Variants in LYN observed in about 807,000 individuals in gnomAD.
LYN encodes the protein tyrosine-protein kinase Lyn.
Under a neutral mutation model 65.0 loss-of-function variants are expected in LYN, and 12 were observed. The observed-to-expected ratio is 0.18, with a 90% CI of 0.12 to 0.30. LYN has a LOEUF of 0.30. LYN is among the 10% of genes least tolerant of loss of function. The probability of loss-of-function intolerance (pLI) is 1.00; values close to 1 mark genes in which losing one functional copy is unlikely to be tolerated. For synonymous variants in LYN, 222 were observed against 221.2 expected (o/e 1.00, Z -0.03); for missense variants, 380 against 623.2 (o/e 0.61, Z 4.16).
intron 1 of LYN, among the ~76,000 whole-genome samples, chr8:55,903,643 T>A (rs937065273): frequency 1.3e-5 from 2 of 152,336 alleles, no homozygotes; most frequent in African/African-American, 2.4e-5. Context: ...TCTGAATAAT[T>A]AAGTTTTATT....
At chr8:55,938,654 T>A (rs1300396458) in intron 1 of LYN, among the ~76,000 whole-genome samples, 1 of 152,264 alleles carries the variant, frequency 6.6e-6, no homozygotes, top group African/African-American at 2.4e-5. Flanking sequence ...AACTTCATTA[T>A]TGACTCTTTT....
chr8:56,008,641 C>T (rs533646483), intron 12 of LYN, among the ~76,000 whole-genome samples: 1 of 152,294 alleles, frequency 6.6e-6, no homozygotes, highest in South Asian at 2.1e-4. Flanking sequence ...CAAAGATTGA[C>T]AGTTCAGCTT....
In LYN at chr8:55,998,438, C is replaced by T. The variant is rs2130583587; in HGVS notation, c.1143C>T (p.Cys381=). 6.2e-7 allele frequency: 1 copy of T among 1,614,048 alleles called. No homozygotes were observed. The highest frequency in any genetic ancestry group is 8.5e-7 in the Non-Finnish European group (1 of 1,179,936). The change falls in exon 11 of 13, where the codon TGC becomes TGT. Residue 381 remains cysteine (C), a synonymous_variant. Coordinates refer to ENST00000519728, the MANE Select transcript of LYN (RefSeq NM_002350.4). ...ANVLVSESLM[C]KIADFGLARV... ...TTCTGGTCTCCGAGTCACTCATGTG[C>T]AAAATTGCAGATTTTGGCCTTGCTA...
chr8:55,927,837 A>AG (rs1351454819), intron 1 of LYN, among the ~76,000 whole-genome samples: 5 of 148,704 alleles, frequency 3.4e-5, no homozygotes, highest in Admixed American at 2.0e-4. Context: ...CTCTGTCCCA[A>AG]GGGGGAAAAA....
intron 8 of LYN, among the ~76,000 whole-genome samples, chr8:55,966,173 C>T (rs1342562559): frequency 2.6e-5 from 4 of 151,900 alleles, no homozygotes; most frequent in South Asian, 2.1e-4. Flanking sequence ...CCAATAAAAA[C>T]GTTTTTTTGC....
intron 10 of LYN, among the ~76,000 whole-genome samples, chr8:55,979,192 G>C (rs1211180389): frequency 2.0e-5 from 3 of 151,542 alleles, no homozygotes; most frequent in African/African-American, 7.3e-5. Context: ...ACAAACGTGT[G>C]CCACCACGCC....
At chr8:55,925,281 C>G (rs1316951993) in intron 1 of LYN, among the ~76,000 whole-genome samples, 17 of 152,000 alleles carry the variant, frequency 1.1e-4, no homozygotes, top group Non-Finnish European at 5.9e-5. Flanking sequence ...CACCACCATG[C>G]CTGGCTAATT....
intron 3 of LYN, 40 bp from the exon 4 acceptor site, chr8:55,947,578 T>C (rs1473305186): frequency 1.4e-6 from 2 of 1,445,050 alleles, no homozygotes; most frequent in Non-Finnish European, 1.9e-6. Context: ...ACGCTTCTGC[T>C]GATGGATTCT....
intron 10 of LYN, among the ~76,000 whole-genome samples, chr8:55,982,820 C>T (rs932371631): frequency 2.0e-5 from 3 of 152,152 alleles, no homozygotes; most frequent in Non-Finnish European, 4.4e-5. Flanking sequence ...TTCATTTGAT[C>T]GTTTCCACTT....
Position 55,967,343 on chromosome 8 carries a change from C to A in LYN, c.973+446C>A, listed in dbSNP as rs192368560. 3.0e-3 allele frequency among the ~76,000 whole-genome samples: 363 copies of A among 119,264 alleles called. 1 individual carries two copies. Among genetic ancestry groups the A allele is most frequent in the African/African-American group, 0.011 (343 of 29,980 alleles). The allele number at this position is 119,264 out of a possible 152,430, so 78.2% of individuals were successfully genotyped here. On this transcript the variant is annotated intron_variant, in intron 9 of 12. Transcript: ENST00000519728. The stretch of plus-strand genomic sequence containing the variant: ...TTTTTTTTTTTTTTGGAAACAGAGT[C>A]TCACACTGTTGCCCGGGCTGGAGTG...
intron 7 of LYN, among the ~76,000 whole-genome samples, chr8:55,953,214 G>T (rs879636190): frequency 1.9e-4 from 29 of 152,182 alleles, no homozygotes; most frequent in Non-Finnish European, 3.5e-4. Flanking sequence ...AGCTTAATGT[G>T]GGATTAGTAA....
chr8:55,882,776 G>A (rs1804687734), intron 1 of LYN, among the ~76,000 whole-genome samples: 1 of 152,118 alleles, frequency 6.6e-6, no homozygotes, highest in African/African-American at 2.4e-5. Context: ...GGATGGAGAG[G>A]GACAGATACA....
chr8:55,985,411 C>A (rs892114701), intron 10 of LYN, among the ~76,000 whole-genome samples: 1 of 152,012 alleles, frequency 6.6e-6, no homozygotes, highest in Non-Finnish European at 1.5e-5. Context: ...ATTTTGAAAA[C>A]GCACTTCAAA....
intron 1 of LYN, among the ~76,000 whole-genome samples, chr8:55,929,481 A>G (rs1340174559): frequency 6.6e-6 from 1 of 152,256 alleles, no homozygotes; most frequent in East Asian, 1.9e-4. Context: ...ATTTTATAAC[A>G]GGATATTAAA....
intron 8 of LYN, among the ~76,000 whole-genome samples, chr8:55,963,638 C>T (rs149149357): frequency 6.6e-6 from 1 of 152,212 alleles, no homozygotes. Flanking sequence ...TTTCTCATGA[C>T]TTTATTTGCA....
intron 1 of LYN, among the ~76,000 whole-genome samples, chr8:55,882,375 G>C (rs1245320272): frequency 1.3e-5 from 2 of 152,178 alleles, no homozygotes; most frequent in African/African-American, 4.8e-5. Flanking sequence ...TTTGTTTTTA[G>C]ATAAATCACC....
Position 56,008,128 on chromosome 8 carries a change from A to T in LYN, c.1337-1780A>T, listed in dbSNP as rs556572064. Among the ~76,000 whole-genome samples the T allele has an allele frequency of 5.6e-5, 7 of 125,978 alleles. No individual in the cohort carries two copies. The East Asian group carries it at 1.1e-3, about 20-fold the overall frequency. The allele number at this position is 125,978 out of a possible 152,430, so 82.6% of individuals were successfully genotyped here. On this transcript the variant is annotated intron_variant, in intron 12 of 12. Transcript: ENST00000519728. ...AGGGAGACTCTGCCTCAAAAAAAAA[A>T]TAAAATAAAATAAAATAAAATAAAA... is the stretch of plus-strand genomic sequence containing the variant.
intron 10 of LYN, among the ~76,000 whole-genome samples, chr8:55,997,570 C>T (rs373131704): frequency 1.6e-4 from 24 of 152,242 alleles, no homozygotes; most frequent in Middle Eastern, 6.8e-3. Flanking sequence ...AGGGCTCCAC[C>T]GTCCTGATCT....
intron 1 of LYN, among the ~76,000 whole-genome samples, chr8:55,903,134 A>C (rs1354233229): frequency 6.6e-6 from 1 of 152,200 alleles, no homozygotes; most frequent in Non-Finnish European, 1.5e-5. Context: ...TGCGTGAGCC[A>C]CTGCGCCCGG....
Sources: allele counts gnomAD v4.1 joint callset (sites outside exome capture counted in the v4.1 genomes callset), GRCh38; gene constraint gnomAD v4.1.1; transcripts MANE v1.5; gene names NCBI Gene and HGNC (gene_info 2026-07-23, HGNC 2026-07-21).